The following AAK1 variants were observed in gnomAD, a reference collection of about 807,000 sequenced individuals.
The protein encoded by AAK1 is AP2-associated protein kinase 1.
AAK1 carries 37 observed loss-of-function variants against 116.0 expected under a neutral mutation model. The observed-to-expected ratio is 0.32, with a 90% CI of 0.25 to 0.42. The LOEUF (loss-of-function observed/expected upper bound fraction) is 0.42, where lower values mean the gene tolerates loss of function less well. Among genes scored for constraint, AAK1 ranks in the 10% least tolerant of loss-of-function variants. The probability of loss-of-function intolerance (pLI) is 1.00; values close to 1 mark genes in which losing one functional copy is unlikely to be tolerated. For missense variants in AAK1, 919 were observed against 1,170.6 expected (o/e 0.79, Z 3.14); for synonymous variants, 458 against 439.9 (o/e 1.04, Z -0.51).
intron 2 of AAK1, among the ~76,000 whole-genome samples, chr2:69,611,403 T>TG (rs1217701571): frequency 2.0e-5 from 3 of 152,220 alleles, no homozygotes; most frequent in Non-Finnish European, 2.9e-5. Flanking sequence ...GGCCTCAGAC[T>TG]GGGGGCTGCA....
chr2:69,472,516 T>C lies in AAK1; in HGVS notation c.*3353A>G. The C allele has an allele frequency of 1.3e-6, 1 of 741,786 alleles. No homozygotes were observed. 46.0% of individuals were successfully genotyped at this position (741,786 alleles called of 1,614,324 possible). ...GACATTGAGGGGAACAACACTTAAT[T>C]AGATGTCAAAATTCTGATATGTCTG... is the stretch of plus-strand genomic sequence containing the variant. On this transcript the variant is annotated 3_prime_UTR_variant, in exon 22 of 22. Transcript: ENST00000409085.
chr2:69,518,882 C>CCT, intron 12 of AAK1, 72 bp downstream of exon 12: 1 of 1,467,716 alleles, frequency 6.8e-7, no homozygotes, highest in Non-Finnish European at 9.0e-7. Context: ...TGGGAAGACA[C>CCT]CTTTACCTAG....
At position 69,643,730 on chromosome 2, in the gene AAK1, G is replaced by A; in HGVS notation, c.-390C>T. On this transcript the variant is annotated 5_prime_UTR_variant, in exon 1 of 22. Transcript: ENST00000409085. ...CCGCCAGCTGATCCCGGGAGCGCCGGGCGGAGACTGACCCGCCGCCCCTCC... is the reference window on the plus strand; with the variant it reads ...CCGCCAGCTGATCCCGGGAGCGCCGAGCGGAGACTGACCCGCCGCCCCTCC... 8.3e-7 allele frequency: 1 copy of A among 1,209,610 alleles called. No individual in the cohort carries two copies. The highest frequency in any genetic ancestry group is 1.0e-6 in the Non-Finnish European group (1 of 973,914). 74.9% of individuals were successfully genotyped at this position (1,209,610 alleles called of 1,614,324 possible).
intron 10 of AAK1, among the ~76,000 whole-genome samples, chr2:69,523,356 G>A (rs978431185): frequency 5.3e-5 from 8 of 152,190 alleles, no homozygotes; most frequent in African/African-American, 1.7e-4. Flanking sequence ...AGTTTTGTTT[G>A]TTAAGCAAGT....
chr2:69,509,623 G>A, intron 13 of AAK1, 163 bp from the exon 14 acceptor site: 1 of 634,848 alleles, frequency 1.6e-6, no homozygotes, highest in Non-Finnish European at 2.7e-6. Flanking sequence ...GAAAAATCCA[G>A]GCTTTGACAA....
At position 69,509,433 on chromosome 2, in the gene AAK1, T is replaced by C; in HGVS notation, c.1804A>G (p.Lys602Glu). 3.7e-6 allele frequency: 6 copies of C among 1,613,836 alleles called. No homozygotes were observed. The highest frequency in any genetic ancestry group is 8.5e-7 in the Non-Finnish European group (1 of 1,179,820). The change falls in exon 14 of 22, where the codon AAG (lysine) becomes GAG (glutamate). Residue 602 changes from lysine (K) to glutamate (E), a missense_variant. This residue lies in a region of AAK1 where 125 missense variants were observed against 184.1 expected (regional missense o/e 0.68). Transcript: ENST00000409085. Reference sequence around the variant, plus strand: ...GCAGGAGGTGGGGTTGTCTGAACCTTTGGCTGTTGTCTTACTGGGGCTTGA... The same window carrying C: ...GCAGGAGGTGGGGTTGTCTGAACCTCTGGCTGTTGTCTTACTGGGGCTTGA... ...AIQAPVRQQP[K>E]VQTTPPPAVQ...
In AAK1 at chr2:69,469,480, C is replaced by T. The variant is rs984777208; in HGVS notation, c.*6389G>A. ...TTATATGAAGGTAGCATTGTGTCAACAAGAAAACGTGTTTGAAGCAGTCTC... is the reference window on the plus strand; with the variant it reads ...TTATATGAAGGTAGCATTGTGTCAATAAGAAAACGTGTTTGAAGCAGTCTC... On this transcript the variant is annotated 3_prime_UTR_variant, in exon 22 of 22. Transcript: ENST00000409085. The T allele has an allele frequency of 4.1e-6, 4 of 985,290 alleles. No individual in the cohort carries two copies. The African/African-American group carries it at 7.0e-5, about 17-fold the overall frequency. The allele number at this position is 985,290 out of a possible 1,614,324, so 61.0% of individuals were successfully genotyped here. A position where few individuals can be genotyped will look rare whatever the true frequency, so the allele number is the denominator to read the frequency against.
At chr2:69,549,156 G>C (rs910704421) in intron 3 of AAK1, among the ~76,000 whole-genome samples, 1 of 152,088 alleles carries the variant, frequency 6.6e-6, no homozygotes, top group Non-Finnish European at 1.5e-5. Flanking sequence ...ATTACCTGAG[G>C]TCAGGAGTTC....
intron 16 of AAK1, among the ~76,000 whole-genome samples, chr2:69,500,696 T>TATATATATATATAC (rs1553410395): frequency 1.3e-3 from 131 of 99,228 alleles, no homozygotes; most frequent in Non-Finnish European, 2.2e-3. Context: ...TATATATATA[T>TATATATATATATAC]ATACACACAC....
At chr2:69,514,321 T>G in intron 13 of AAK1, 150 bp downstream of exon 13, 1 of 1,024,746 alleles carries the variant, frequency 9.8e-7, no homozygotes, top group Non-Finnish European at 1.4e-6. Context: ...TATTCTTGGA[T>G]ATATCAAGGA....
chr2:69,487,705 T>A (rs1252574458), intron 17 of AAK1, among the ~76,000 whole-genome samples: 1 of 151,982 alleles, frequency 6.6e-6, no homozygotes, highest in African/African-American at 2.4e-5. Context: ...AATCTTCCTA[T>A]GAAATGTTTG....
intron 17 of AAK1, 122 bp from the exon 18 acceptor site, chr2:69,482,934 T>G (rs1401398532): frequency 4.8e-6 from 3 of 627,788 alleles, no homozygotes. Context: ...AGGTTCACCA[T>G]AAAAATGAAT....
chr2:69,562,049 T>C (rs1572959244), intron 2 of AAK1, among the ~76,000 whole-genome samples: 1 of 152,228 alleles, frequency 6.6e-6, no homozygotes, highest in East Asian at 1.9e-4. Context: ...ACAGAAGTCT[T>C]TTTTATGGAC....
chr2:69,529,472 T>C (rs1214777302), intron 8 of AAK1, among the ~76,000 whole-genome samples: 1 of 152,222 alleles, frequency 6.6e-6, no homozygotes, highest in Admixed American at 6.6e-5. Flanking sequence ...CTTGCTATGA[T>C]GATACCAAAT....
At position 69,469,867 on chromosome 2, in the gene AAK1, A is replaced by G; in HGVS notation, c.*6002T>C. 5 of 985,442 alleles carry G rather than the reference A, an allele frequency of 5.1e-6. No individual in the cohort carries two copies. In the South Asian group the frequency reaches 2.3e-4, roughly 46 times the overall value. The allele number at this position is 985,442 out of a possible 1,614,324, so 61.0% of individuals were successfully genotyped here. ...CTTTCAATATGGGTAACTCCATATT[A>G]GTCTATTTTGAGGCTCCAAATTATG... On this transcript the variant is annotated 3_prime_UTR_variant, in exon 22 of 22. Transcript: ENST00000409085.
chr2:69,458,308 T>C lies in AAK1; in HGVS notation c.*17561A>G, dbSNP rs773440780. On this transcript the variant is annotated 3_prime_UTR_variant, in exon 22 of 22. Transcript: ENST00000409085. Reference sequence around the variant, plus strand: ...TAGTCAGCAGAGGGAGTTCACCTCTTCTCCACGGAATGAGCGTGGTCCTTG... The same window carrying C: ...TAGTCAGCAGAGGGAGTTCACCTCTCCTCCACGGAATGAGCGTGGTCCTTG... 1 of 152,274 alleles carries C rather than the reference T, an allele frequency of 6.6e-6. No homozygotes were observed. Among genetic ancestry groups the C allele is most frequent in the Non-Finnish European group, 1.5e-5 (1 of 68,040 alleles). 9.4% of individuals were successfully genotyped at this position (152,274 alleles called of 1,614,324 possible). A position where few individuals can be genotyped will look rare whatever the true frequency, so the allele number is the denominator to read the frequency against.
At chr2:69,556,761 C>T in intron 3 of AAK1, 99 bp downstream of exon 3, 1 of 848,760 alleles carries the variant, frequency 1.2e-6, no homozygotes, top group Non-Finnish European at 1.9e-6. Context: ...GCCTCTGTAC[C>T]ATCTCAGGGA....
chr2:69,643,229 A>G lies in AAK1; in HGVS notation c.-189T>C, dbSNP rs2105282757. 7.1e-7 allele frequency: 1 copy of G among 1,409,954 alleles called. No homozygotes were observed. Among genetic ancestry groups the G allele is most frequent in the Non-Finnish European group, 9.2e-7 (1 of 1,089,514 alleles). The allele number at this position is 1,409,954 out of a possible 1,614,324, so 87.3% of individuals were successfully genotyped here. On this transcript the variant is annotated 5_prime_UTR_variant, in exon 2 of 22. Transcript: ENST00000409085. ...ATAGGAATATGCGTGTCAATCGCGCAGCGGGTCCCCTCCTCCTCCAGAAAG... is the reference window on the plus strand; with the variant it reads ...ATAGGAATATGCGTGTCAATCGCGCGGCGGGTCCCCTCCTCCTCCAGAAAG...
chr2:69,594,293 T>C (rs1050776305), intron 2 of AAK1, among the ~76,000 whole-genome samples: 13 of 152,252 alleles, frequency 8.5e-5, no homozygotes, highest in Admixed American at 2.6e-4. Context: ...ATAAGGGCTC[T>C]AGTTCAAGTA....
Sources: allele counts gnomAD v4.1 joint callset (sites outside exome capture counted in the v4.1 genomes callset), GRCh38; gene constraint gnomAD v4.1.1; regional missense constraint gnomAD v4.1.1; transcripts MANE v1.5; gene names NCBI Gene and HGNC (gene_info 2026-07-23, HGNC 2026-07-21).